Variants in ADAMTSL1 observed in about 807,000 individuals in gnomAD.
ADAMTSL1 encodes the protein ADAMTS-like protein 1.
Under a neutral mutation model 201.8 loss-of-function variants are expected in ADAMTSL1, and 126 were observed. The observed-to-expected ratio is 0.62, with a 90% confidence interval of 0.54 to 0.72. The LOEUF is 0.72. ADAMTSL1 is among the 30% of genes least tolerant of loss of function. ADAMTSL1 has a pLI of 0.00. For synonymous variants in ADAMTSL1, 1,121 were observed against 903.4 expected (o/e 1.24, Z -4.32); for missense variants, 2,679 against 2,277.8 (o/e 1.18, Z -3.59).
intron 2 of ADAMTSL1, among the ~76,000 whole-genome samples, chr9:18,266,653 C>A (rs10963542): frequency 0.22 from 33,629 of 152,020 alleles, 4,285 homozygotes; most frequent in Admixed American, 0.41. Context: ...AGTCACCCTC[C>A]GGAAGGATGG....
At chr9:18,897,658 TAAC>T (rs1276122346) in intron 26 of ADAMTSL1, among the ~76,000 whole-genome samples, 2 of 151,868 alleles carry the variant, frequency 1.3e-5, no homozygotes, top group East Asian at 1.9e-4. Flanking sequence ...TAGAAAACAA[TAAC>T]AACATCATCA....
chr9:18,424,019 A>C (rs901977622), intron 2 of ADAMTSL1, among the ~76,000 whole-genome samples: 5 of 152,268 alleles, frequency 3.3e-5, no homozygotes, highest in Admixed American at 1.3e-4. Flanking sequence ...AATGTAGCTG[A>C]ACATGAGAAT....
At chr9:18,465,507 C>G (rs1187147823) in intron 2 of ADAMTSL1, among the ~76,000 whole-genome samples, 1 of 152,014 alleles carries the variant, frequency 6.6e-6, no homozygotes, top group Non-Finnish European at 1.5e-5. Context: ...CAGCCACACA[C>G]GTGGAAAAAA....
intron 1 of ADAMTSL1, among the ~76,000 whole-genome samples, chr9:18,106,764 C>A (rs1414773552): frequency 6.6e-6 from 1 of 152,126 alleles, no homozygotes; most frequent in Non-Finnish European, 1.5e-5. Context: ...GAACAGCTGA[C>A]AAGTAGCAGC....
rs563191053 is a variant in ADAMTSL1, at chr9:18,648,269, G to A, written c.834+8858G>A. Among the ~76,000 whole-genome samples, 11 of 141,940 alleles carry A rather than the reference G, an allele frequency of 7.7e-5. No homozygotes were observed. The East Asian group carries it at 9.9e-4, about 13-fold the overall frequency. 93.1% of individuals were successfully genotyped at this position (141,940 alleles called of 152,430 possible). A position where few individuals can be genotyped will look rare whatever the true frequency, so the allele number is the denominator to read the frequency against. Reference sequence around the variant, plus strand: ...ATCTTCCTCCATCCTTTTATTTTGAGCCTATGCGTGTCTCTGCATGTGAGA... The same window carrying A: ...ATCTTCCTCCATCCTTTTATTTTGAACCTATGCGTGTCTCTGCATGTGAGA... On this transcript the variant is annotated intron_variant, in intron 7 of 28. Coordinates refer to ENST00000380548, the MANE Select transcript of ADAMTSL1 (RefSeq NM_001040272.6).
At chr9:18,810,041 T>C (rs1385861339) in intron 20 of ADAMTSL1, among the ~76,000 whole-genome samples, 1 of 152,106 alleles carries the variant, frequency 6.6e-6, no homozygotes, top group Non-Finnish European at 1.5e-5. Flanking sequence ...CAGGGGTAGA[T>C]TTGGAGTCAG....
intron 2 of ADAMTSL1, among the ~76,000 whole-genome samples, chr9:18,303,682 A>T (rs1186227282): frequency 6.6e-6 from 1 of 152,194 alleles, no homozygotes; most frequent in African/African-American, 2.4e-5. Flanking sequence ...AAAGGCAGGG[A>T]TGGGGGTATG....
chr9:18,717,966 T>A (rs768993017), intron 14 of ADAMTSL1: 2 of 1,525,996 alleles, frequency 1.3e-6, no homozygotes, highest in Admixed American at 1.7e-5. Context: ...GCAATGCACT[T>A]AGTACATTAA....
chr9:17,987,136 G>A (rs1216154408), intron 1 of ADAMTSL1, among the ~76,000 whole-genome samples: 1 of 152,070 alleles, frequency 6.6e-6, no homozygotes, highest in African/African-American at 2.4e-5. Flanking sequence ...GTATCTGTAA[G>A]TTTTGATATC....
At chr9:18,036,047 C>T (rs1382531484) in intron 1 of ADAMTSL1, among the ~76,000 whole-genome samples, 1 of 152,096 alleles carries the variant, frequency 6.6e-6, no homozygotes, top group Non-Finnish European at 1.5e-5. Flanking sequence ...CACTGTGCTA[C>T]ACAAGGGATC....
intron 1 of ADAMTSL1, among the ~76,000 whole-genome samples, chr9:17,929,492 A>G (rs759488523): frequency 6.6e-6 from 1 of 152,060 alleles, no homozygotes; most frequent in South Asian, 2.1e-4. Context: ...TGCCTGATCC[A>G]GCCCCTGCCT....
intron 3 of ADAMTSL1, among the ~76,000 whole-genome samples, chr9:18,555,879 C>T (rs77794513): frequency 0.05 from 7,640 of 151,978 alleles, 281 homozygotes; most frequent in African/African-American, 0.11. Context: ...GGGTCAGCTC[C>T]TCACAGAAAC....
At chr9:18,672,002 A>G (rs1829846754) in intron 9 of ADAMTSL1, among the ~76,000 whole-genome samples, 1 of 152,070 alleles carries the variant, frequency 6.6e-6, no homozygotes, top group Non-Finnish European at 1.5e-5. Context: ...GCACCTCTGC[A>G]CTCCAACCTG....
intron 23 of ADAMTSL1, among the ~76,000 whole-genome samples, chr9:18,845,473 C>T (rs1255893245): frequency 3.3e-5 from 5 of 152,256 alleles, no homozygotes; most frequent in African/African-American, 1.2e-4. Flanking sequence ...AACATGCTCA[C>T]CAGGGCCACA....
chr9:18,218,815 G>T (rs1020075589), intron 2 of ADAMTSL1, among the ~76,000 whole-genome samples: 1 of 151,802 alleles, frequency 6.6e-6, no homozygotes, highest in Non-Finnish European at 1.5e-5. Context: ...TAATTCTTGT[G>T]TAAAAACCTC....
intron 19 of ADAMTSL1, among the ~76,000 whole-genome samples, chr9:18,784,828 C>T (rs1051911422): frequency 4.6e-5 from 7 of 152,260 alleles, no homozygotes; most frequent in South Asian, 2.1e-4. Context: ...AGTTGAAGCA[C>T]GGAGATGTTA....
chr9:17,981,144 C>A (rs11793795), intron 1 of ADAMTSL1, among the ~76,000 whole-genome samples: 24,259 of 152,188 alleles, frequency 0.16, 2,508 homozygotes, highest in Middle Eastern at 0.25. Context: ...ATAGCTTATC[C>A]AAACCATAGC....
intron 2 of ADAMTSL1, among the ~76,000 whole-genome samples, chr9:18,356,794 T>A (rs1198735161): frequency 6.6e-6 from 1 of 152,112 alleles, no homozygotes; most frequent in Admixed American, 6.5e-5. Flanking sequence ...TAGAACAAAC[T>A]GCTGACTAGC....
chr9:18,683,225 T>A (rs1787586110), intron 12 of ADAMTSL1, among the ~76,000 whole-genome samples: 1 of 53,058 alleles, frequency 1.9e-5, no homozygotes, highest in Admixed American at 2.7e-4. Context: ...ACTGAGGTTT[T>A]TTTTGTTTTT....
Sources: allele counts gnomAD v4.1 joint callset (sites outside exome capture counted in the v4.1 genomes callset), GRCh38; gene constraint gnomAD v4.1.1; transcripts MANE v1.5; gene names NCBI Gene and HGNC (gene_info 2026-07-23, HGNC 2026-07-21).